The following SLC14A1 variants were observed in gnomAD, a reference collection of about 807,000 sequenced individuals.
SLC14A1 encodes the protein urea transporter 1.
Under a neutral mutation model 39.6 loss-of-function variants are expected in SLC14A1, and 36 were observed. That is an observed-to-expected ratio of 0.91 (90% CI 0.70 to 1.20). The LOEUF (loss-of-function observed/expected upper bound fraction) is 1.20, where lower values mean the gene tolerates loss of function less well. SLC14A1 is among the 50% of genes most tolerant of loss of function. The probability of loss-of-function intolerance (pLI) is 0.00; values close to 1 mark genes in which losing one functional copy is unlikely to be tolerated. For missense variants in SLC14A1, 469 were observed against 478.7 expected (o/e 0.98, Z 0.19); for synonymous variants, 164 against 173.6 (o/e 0.94, Z 0.43).
At position 45,750,041 on chromosome 18, in the gene SLC14A1, C is replaced by A; in HGVS notation, c.*90C>A. ...AGGGTCTCAGCAAACTGCTGTTTTTCACGAGTATCAACTTTCATACTGACG... is the reference window on the plus strand; with the variant it reads ...AGGGTCTCAGCAAACTGCTGTTTTTAACGAGTATCAACTTTCATACTGACG... On this transcript the variant is annotated 3_prime_UTR_variant, in exon 10 of 10. Transcript: ENST00000321925. 1 of 1,610,594 alleles carries A rather than the reference C, an allele frequency of 6.2e-7. No homozygotes were observed. The highest frequency in any genetic ancestry group is 1.1e-5 in the South Asian group (1 of 90,902).
intron 8 of SLC14A1, 167 bp downstream of exon 8, chr18:45,739,829 C>A: frequency 1.3e-6 from 1 of 770,476 alleles, no homozygotes. Flanking sequence ...TCTCTGAGAG[C>A]ATTAAAATCA....
At chr18:45,748,714 G>A (rs2047625422) in intron 9 of SLC14A1, among the ~76,000 whole-genome samples, 1 of 152,198 alleles carries the variant, frequency 6.6e-6, no homozygotes, top group African/African-American at 2.4e-5. Flanking sequence ...AACTCTAAGT[G>A]ATAAGAAGTA....
chr18:45,743,229 G>A (rs1198132984), intron 8 of SLC14A1, among the ~76,000 whole-genome samples: 1 of 152,096 alleles, frequency 6.6e-6, no homozygotes, highest in African/African-American at 2.4e-5. Flanking sequence ...GATTACATTG[G>A]GTCCATTCAA....
chr18:45,741,993 A>G (rs2047390268), intron 8 of SLC14A1, among the ~76,000 whole-genome samples: 1 of 152,224 alleles, frequency 6.6e-6, no homozygotes, highest in Non-Finnish European at 1.5e-5. Context: ...GGGGTTTAGA[A>G]GCTTTAGGTC....
At position 45,736,562 on chromosome 18, in the gene SLC14A1, C is replaced by A; in HGVS notation, c.577C>A (p.His193Asn). The change falls in exon 6 of 10, where the codon CAT (histidine) becomes AAT (asparagine). Residue 193 changes from histidine to asparagine, a missense_variant. Transcript: ENST00000321925. ...GTCAATGTACCTTTCAGCCACAGGA[C>A]ATTACAATCCATTCTTTCCAGCCAA... ...ALSMYLSATG[H>N]YNPFFPAKLV... The A allele has an allele frequency of 6.2e-7, 1 of 1,614,088 alleles. No individual in the cohort carries two copies.
In SLC14A1 at chr18:45,751,651, C is replaced by A; in HGVS notation, c.*1700C>A. Reference sequence around the variant, plus strand: ...TAGTAACATTAGCCAGGTGTAGCAGCACACATCTGCAGCAGCTACTCAGGA... The same window carrying A: ...TAGTAACATTAGCCAGGTGTAGCAGAACACATCTGCAGCAGCTACTCAGGA... On this transcript the variant is annotated 3_prime_UTR_variant, in exon 10 of 10. Coordinates refer to ENST00000321925, the MANE Select transcript of SLC14A1 (RefSeq NM_015865.7). The A allele has an allele frequency of 2.2e-6, 1 of 449,980 alleles. No homozygotes were observed. Among genetic ancestry groups the A allele is most frequent in the Non-Finnish European group, 2.9e-6 (1 of 341,314 alleles). 27.9% of individuals were successfully genotyped at this position (449,980 alleles called of 1,614,324 possible). A position where few individuals can be genotyped will look rare whatever the true frequency, so the allele number is the denominator to read the frequency against.
At position 45,751,294 on chromosome 18, in the gene SLC14A1, T is replaced by A; in HGVS notation, c.*1343T>A. On this transcript the variant is annotated 3_prime_UTR_variant, in exon 10 of 10. Transcript: ENST00000321925. ...GGAGGAGGCTGCAGTGAGCTAAGAT[T>A]GCACCACTGCACTCCAACCTGGGCG... 1.3e-6 allele frequency: 1 copy of A among 744,704 alleles called. No homozygotes were observed. The highest frequency in any genetic ancestry group is 1.6e-6 in the Non-Finnish European group (1 of 616,696). 46.1% of individuals were successfully genotyped at this position (744,704 alleles called of 1,614,324 possible). A position where few individuals can be genotyped will look rare whatever the true frequency, so the allele number is the denominator to read the frequency against.
At chr18:45,741,399 G>A (rs1268857300) in intron 8 of SLC14A1, among the ~76,000 whole-genome samples, 2 of 152,202 alleles carry the variant, frequency 1.3e-5, no homozygotes, top group Non-Finnish European at 2.9e-5. Context: ...GGAAATATAT[G>A]TCTAGAATCA....
chr18:45,727,124 T>C (rs915579840), intron 2 of SLC14A1: 2 of 760,830 alleles, frequency 2.6e-6, no homozygotes, highest in Admixed American at 2.1e-5. Context: ...CGGTCTCCCA[T>C]GTGGGGCCAC....
In SLC14A1 at chr18:45,749,709, G is replaced by A; in HGVS notation, c.997-69G>A. Reference sequence around the variant, plus strand: ...CCCTGGGCTGAATGCAAGTAGAGGGGGATGCCTTGTGCAGCTCAGCTGTCA... The same window carrying A: ...CCCTGGGCTGAATGCAAGTAGAGGGAGATGCCTTGTGCAGCTCAGCTGTCA... On this transcript the variant is annotated intron_variant, in intron 9 of 9. Coordinates refer to ENST00000321925, the MANE Select transcript of SLC14A1 (RefSeq NM_015865.7). 4 of 1,579,320 alleles carry A rather than the reference G, an allele frequency of 2.5e-6. No homozygotes were observed. The South Asian group carries it at 4.4e-5, about 18-fold the overall frequency.
rs187332581 is a variant in SLC14A1 at position 45,735,886 on chromosome 18, G to A, written c.471-570G>A. Among the ~76,000 whole-genome samples, 621 of 152,280 alleles carry A rather than the reference G, an allele frequency of 4.1e-3. 2 individuals are homozygous for A. The highest frequency in any genetic ancestry group is 0.02 in the Middle Eastern group (6 of 294). On this transcript the variant is annotated intron_variant, in intron 5 of 9. Transcript: ENST00000321925. Reference sequence around the variant, plus strand: ...TGCAGCCCAGCCCCACAGTTTATGGGCTCTGAGGCTAAGGAGATGCGCCTT... The same window carrying A: ...TGCAGCCCAGCCCCACAGTTTATGGACTCTGAGGCTAAGGAGATGCGCCTT...
At chr18:45,728,276 T>G (rs1307501848) in intron 2 of SLC14A1, among the ~76,000 whole-genome samples, 1 of 152,226 alleles carries the variant, frequency 6.6e-6, no homozygotes, top group Non-Finnish European at 1.5e-5. Context: ...GATGGGATAT[T>G]TCAAGCCCTC....
In SLC14A1 at chr18:45,738,267, A is replaced by G. The variant is rs28898881; in HGVS notation, c.664-896A>G. Among the ~76,000 whole-genome samples, 1,020 of 152,284 alleles carry G rather than the reference A, an allele frequency of 6.7e-3. 13 individuals carry two copies. The highest frequency in any genetic ancestry group is 0.02 in the Middle Eastern group (6 of 294). On this transcript the variant is annotated intron_variant, in intron 6 of 9. Coordinates refer to ENST00000321925, the MANE Select transcript of SLC14A1 (RefSeq NM_015865.7). Reference sequence around the variant, plus strand: ...TCTTTGGTACATACACGACCTAGCAATGGTGGAGAGGGCAAGATGGGAACT... The same window carrying G: ...TCTTTGGTACATACACGACCTAGCAGTGGTGGAGAGGGCAAGATGGGAACT...
intron 8 of SLC14A1, among the ~76,000 whole-genome samples, chr18:45,748,141 A>G (rs1298964026): frequency 2.0e-5 from 3 of 152,194 alleles, no homozygotes; most frequent in African/African-American, 7.2e-5. Context: ...AACACCATGA[A>G]AAATATATTC....
intron 2 of SLC14A1, chr18:45,726,611 A>G (rs2046870086): frequency 6.6e-6 from 1 of 152,166 alleles, no homozygotes; most frequent in Non-Finnish European, 1.5e-5. Context: ...CCTGGACAAT[A>G]CAATGAGACT....
chr18:45,752,368 C>A lies in SLC14A1; in HGVS notation c.*2417C>A. ...CAAATCTGTAAATGGGAACATTGTA[C>A]ATTGTCGAATTTAAATGATATTAAT... On this transcript the variant is annotated 3_prime_UTR_variant, in exon 10 of 10. Coordinates refer to ENST00000321925, the MANE Select transcript of SLC14A1 (RefSeq NM_015865.7). 3.1e-6 allele frequency: 1 copy of A among 324,168 alleles called. No homozygotes were observed. The highest frequency in any genetic ancestry group is 4.4e-6 in the Non-Finnish European group (1 of 225,552). The allele number at this position is 324,168 out of a possible 1,614,324, so 20.1% of individuals were successfully genotyped here.
At position 45,751,707 on chromosome 18, in the gene SLC14A1, A is replaced by T; in HGVS notation, c.*1756A>T. 2.5e-5 allele frequency: 11 copies of T among 445,662 alleles called. No homozygotes were observed. The highest frequency in any genetic ancestry group is 3.3e-5 in the Non-Finnish European group (11 of 337,810). The allele number at this position is 445,662 out of a possible 1,614,324, so 27.6% of individuals were successfully genotyped here. Reference sequence around the variant, plus strand: ...AGGTGGAAAGATCGCTTGTGCACAGAAGTTCGAGGCTGCAGTGAGCTATAT... The same window carrying T: ...AGGTGGAAAGATCGCTTGTGCACAGTAGTTCGAGGCTGCAGTGAGCTATAT... On this transcript the variant is annotated 3_prime_UTR_variant, in exon 10 of 10. Transcript: ENST00000321925.
Position 45,749,965 on chromosome 18 carries a change from T to C in SLC14A1, c.*14T>C. 2 of 1,614,068 alleles carry C rather than the reference T, an allele frequency of 1.2e-6. No homozygotes were observed. The highest frequency in any genetic ancestry group is 2.2e-5 in the East Asian group (1 of 44,902). ...AGCCCTTTGTGAGAACAAGCCCCATTTGCAGCCATGGTCACGAGTCATTTC... is the reference window on the plus strand; with the variant it reads ...AGCCCTTTGTGAGAACAAGCCCCATCTGCAGCCATGGTCACGAGTCATTTC... On this transcript the variant is annotated 3_prime_UTR_variant, in exon 10 of 10. Transcript: ENST00000321925.
intron 6 of SLC14A1, among the ~76,000 whole-genome samples, chr18:45,738,131 G>A (rs1169873331): frequency 6.6e-6 from 1 of 152,176 alleles, no homozygotes; most frequent in Admixed American, 6.5e-5. Flanking sequence ...TCACACTATG[G>A]TCTGGTGCCC....
Sources: allele counts gnomAD v4.1 joint callset (sites outside exome capture counted in the v4.1 genomes callset), GRCh38; gene constraint gnomAD v4.1.1; transcripts MANE v1.5; gene names NCBI Gene and HGNC (gene_info 2026-07-23, HGNC 2026-07-21).